CAMK1D: variants seen among roughly 807,000 people sequenced by gnomAD.
The protein encoded by CAMK1D is calcium/calmodulin-dependent protein kinase type 1D.
CAMK1D carries 9 observed loss-of-function variants against 47.7 expected under a neutral mutation model. That is an observed-to-expected ratio of 0.19 (90% CI 0.11 to 0.33). The LOEUF is 0.33. Among genes scored for constraint, CAMK1D ranks in the 10% least tolerant of loss-of-function variants. The pLI is 1.00. For missense variants in CAMK1D, 291 were observed against 488.7 expected, an observed-to-expected ratio of 0.60 and a Z score of 3.81; for synonymous variants, 184 against 184.9, an observed-to-expected ratio of 0.99 and a Z score of 0.04.
At chr10:12,541,889 T>TCCTTCC (rs760116191) in intron 1 of CAMK1D, among the ~76,000 whole-genome samples, 60 of 141,956 alleles carry the variant, frequency 4.2e-4, no homozygotes, top group South Asian at 1.8e-3. Flanking sequence ...CTTCCTTCCT[T>TCCTTCC]TTTTTTTTTC....
chr10:12,634,200 C>A (rs924146489), intron 2 of CAMK1D, among the ~76,000 whole-genome samples: 3 of 152,172 alleles, frequency 2.0e-5, no homozygotes, highest in African/African-American at 7.2e-5. Context: ...TGAGTAATTT[C>A]TTTGCAGGTC....
chr10:12,569,438 C>T (rs575165014), intron 2 of CAMK1D, among the ~76,000 whole-genome samples: 3 of 151,680 alleles, frequency 2.0e-5, no homozygotes, highest in African/African-American at 4.8e-5. Context: ...TGCTGGGGTG[C>T]GGTGGCTCAC....
At chr10:12,806,624 A>G (rs1051116443) in intron 6 of CAMK1D, among the ~76,000 whole-genome samples, 2 of 152,182 alleles carry the variant, frequency 1.3e-5, no homozygotes, top group Non-Finnish European at 2.9e-5. Flanking sequence ...CCTCTTTCAA[A>G]GTGTCCTTCT....
intron 2 of CAMK1D, among the ~76,000 whole-genome samples, chr10:12,584,173 A>T (rs1306222744): frequency 6.6e-6 from 1 of 152,204 alleles, no homozygotes; most frequent in African/African-American, 2.4e-5. Flanking sequence ...GACTTGTGTG[A>T]GTACTTAACT....
At chr10:12,559,917 G>A (rs1403006688) in intron 2 of CAMK1D, among the ~76,000 whole-genome samples, 1 of 152,118 alleles carries the variant, frequency 6.6e-6, no homozygotes, top group Non-Finnish European at 1.5e-5. Context: ...AAATCCCTGG[G>A]GCCGAAGTCA....
At chr10:12,820,055 G>C (rs918074024) in intron 8 of CAMK1D, among the ~76,000 whole-genome samples, 4 of 152,200 alleles carry the variant, frequency 2.6e-5, no homozygotes, top group African/African-American at 9.6e-5. Flanking sequence ...CGCTGCACCG[G>C]AGGTGGTGGG....
intron 3 of CAMK1D, among the ~76,000 whole-genome samples, chr10:12,757,116 C>T (rs1166385832): frequency 1.3e-5 from 2 of 151,224 alleles, no homozygotes; most frequent in Non-Finnish European, 2.9e-5. Flanking sequence ...CTCCTAATAG[C>T]TATTATGCCA....
At chr10:12,538,529 G>A (rs555198556) in intron 1 of CAMK1D, among the ~76,000 whole-genome samples, 35 of 152,272 alleles carry the variant, frequency 2.3e-4, no homozygotes, top group Middle Eastern at 3.4e-3. Context: ...GTTAAATCAT[G>A]CTAGTATTAC....
At chr10:12,567,825 A>C (rs1011381627) in intron 2 of CAMK1D, among the ~76,000 whole-genome samples, 1 of 152,132 alleles carries the variant, frequency 6.6e-6, no homozygotes, top group African/African-American at 2.4e-5. Flanking sequence ...AAAGCACGGC[A>C]GAGTGCAAAT....
At chr10:12,387,442 ATTT>A (rs368868461) in intron 1 of CAMK1D, among the ~76,000 whole-genome samples, 119 of 49,760 alleles carry the variant, frequency 2.4e-3, no homozygotes, top group East Asian at 5.7e-3. Flanking sequence ...TATTATATAT[ATTT>A]TATATATATA....
chr10:12,694,218 AAATATATATTATGTATAATATAT>A (rs1564498473), intron 3 of CAMK1D, among the ~76,000 whole-genome samples: 513 of 3,428 alleles, frequency 0.15, 174 homozygotes, highest in South Asian at 0.26. Context: ...GTATAATATA[AAATATATATTATGTATAATATAT>A]AATATATATT....
chr10:12,608,584 G>C (rs1007132698), intron 2 of CAMK1D, among the ~76,000 whole-genome samples: 6 of 152,302 alleles, frequency 3.9e-5, no homozygotes, highest in Non-Finnish European at 7.4e-5. Flanking sequence ...TACAACAAAT[G>C]GCATCTGCAA....
intron 3 of CAMK1D, among the ~76,000 whole-genome samples, chr10:12,737,441 G>A (rs6602616): frequency 0.96 from 145,514 of 152,252 alleles, 69,825 homozygotes; most frequent in Non-Finnish European, 1. Context: ...TGACCACCCC[G>A]GGCTGCACTG....
chr10:12,458,377 A>T (rs538798981), intron 1 of CAMK1D, among the ~76,000 whole-genome samples: 2 of 152,154 alleles, frequency 1.3e-5, no homozygotes, highest in Non-Finnish European at 2.9e-5. Flanking sequence ...TTGCTGATAC[A>T]TATTCCTATG....
At chr10:12,822,290 G>T (rs1477459268) in intron 8 of CAMK1D, among the ~76,000 whole-genome samples, 46 of 152,318 alleles carry the variant, frequency 3.0e-4, no homozygotes, top group Non-Finnish European at 7.4e-5. Context: ...GGCCTGACAT[G>T]GCTGCACTGC....
At chr10:12,828,690 C>A in intron 10 of CAMK1D, 79 bp from the exon 11 acceptor site, 1 of 1,202,112 alleles carries the variant, frequency 8.3e-7, no homozygotes, top group Non-Finnish European at 1.2e-6. Context: ...AAACCCAGCC[C>A]CTCTGACACC....
At chr10:12,550,677 C>G (rs866780783) in intron 1 of CAMK1D, among the ~76,000 whole-genome samples, 3 of 152,158 alleles carry the variant, frequency 2.0e-5, no homozygotes, top group South Asian at 4.1e-4. Context: ...GGTTTGGCTT[C>G]TGGCTTGTAG....
chr10:12,824,868 G>A (rs545609816), intron 9 of CAMK1D, among the ~76,000 whole-genome samples: 1 of 152,052 alleles, frequency 6.6e-6, no homozygotes, highest in Non-Finnish European at 1.5e-5. Context: ...GATATGGAGG[G>A]GGAAAAAACA....
chr10:12,758,601 G>A (rs1297937566), intron 3 of CAMK1D, among the ~76,000 whole-genome samples: 1 of 152,190 alleles, frequency 6.6e-6, no homozygotes, highest in Admixed American at 6.5e-5. Flanking sequence ...CTGCCCTATG[G>A]CACTGCTGTA....
Sources: gnomAD v4.1 joint callset for allele counts (sites outside exome capture counted in the v4.1 genomes callset) on GRCh38, gnomAD v4.1.1 for gene constraint, MANE v1.5 for transcripts, NCBI Gene and HGNC (gene_info 2026-07-23, HGNC 2026-07-21) for gene names.